Variants in EHBP1 observed in about 807,000 individuals in gnomAD.
The protein encoded by EHBP1 is EH domain-binding protein 1.
A neutral mutation model predicts 144.0 loss-of-function variants in EHBP1; 55 were observed. The ratio of observed to expected loss-of-function variants is 0.38; its 90% confidence interval spans 0.31 to 0.48. EHBP1 has a LOEUF of 0.48. EHBP1 is among the 20% of genes least tolerant of loss of function. The pLI is 0.98. For missense variants in EHBP1, 1,200 were observed against 1,364.2 expected, an observed-to-expected ratio of 0.88 and a Z score of 1.90; for synonymous variants, 469 against 472.7, an observed-to-expected ratio of 0.99 and a Z score of 0.10.
At chr2:62,768,435 G>A (rs1488201514) in intron 4 of EHBP1, among the ~76,000 whole-genome samples, 2 of 152,056 alleles carry the variant, frequency 1.3e-5, no homozygotes, top group African/African-American at 2.4e-5. Context: ...ATACATTCCT[G>A]GACACATGTA....
At chr2:62,798,553 A>G (rs563959081) in intron 5 of EHBP1, among the ~76,000 whole-genome samples, 5 of 152,260 alleles carry the variant, frequency 3.3e-5, no homozygotes, top group African/African-American at 9.6e-5. Context: ...TTTTACCTCA[A>G]TTTACGTATC....
intron 2 of EHBP1, among the ~76,000 whole-genome samples, chr2:62,726,980 A>G (rs2036864919): frequency 6.6e-6 from 1 of 151,908 alleles, no homozygotes; most frequent in Non-Finnish European, 1.5e-5. Context: ...CTCCTGCCTC[A>G]GCCTCCTGAG....
At chr2:62,922,767 T>C (rs1481994828) in intron 10 of EHBP1, among the ~76,000 whole-genome samples, 1 of 152,176 alleles carries the variant, frequency 6.6e-6, no homozygotes, top group Non-Finnish European at 1.5e-5. Context: ...GAGGGCAGCA[T>C]GAAGGCAGCC....
chr2:62,867,617 A>G (rs2050144298), intron 9 of EHBP1, among the ~76,000 whole-genome samples: 1 of 152,226 alleles, frequency 6.6e-6, no homozygotes, highest in South Asian at 2.1e-4. Flanking sequence ...CCATGGATTC[A>G]AAGATATAAG....
At chr2:62,797,795 C>T (rs1488434514) in intron 5 of EHBP1, among the ~76,000 whole-genome samples, 1 of 152,162 alleles carries the variant, frequency 6.6e-6, no homozygotes, top group Non-Finnish European at 1.5e-5. Flanking sequence ...GATAAACTTA[C>T]AGCATGTTTA....
chr2:62,926,645 T>A (rs933904810), intron 10 of EHBP1, among the ~76,000 whole-genome samples: 3 of 152,022 alleles, frequency 2.0e-5, no homozygotes, highest in African/African-American at 4.8e-5. Context: ...TCTTTCCAGT[T>A]AAGATGGCTA....
chr2:62,923,041 A>T (rs767514613), intron 10 of EHBP1, among the ~76,000 whole-genome samples: 3 of 152,120 alleles, frequency 2.0e-5, no homozygotes, highest in Non-Finnish European at 4.4e-5. Context: ...ACCTCCTATG[A>T]GCCAAGCTCC....
intron 5 of EHBP1, among the ~76,000 whole-genome samples, chr2:62,804,841 T>C (rs1417446472): frequency 1.3e-5 from 2 of 152,044 alleles, no homozygotes; most frequent in African/African-American, 2.4e-5. Flanking sequence ...CTCATAGGAG[T>C]GTGAACCCTA....
chr2:63,022,459 CAT>C (rs2060795622), intron 19 of EHBP1, among the ~76,000 whole-genome samples: 1 of 152,070 alleles, frequency 6.6e-6, no homozygotes, highest in Non-Finnish European at 1.5e-5. Flanking sequence ...GGACTACAGA[CAT>C]GCACCACCAC....
intron 2 of EHBP1, among the ~76,000 whole-genome samples, chr2:62,742,561 T>G (rs1483337201): frequency 6.6e-6 from 1 of 152,116 alleles, no homozygotes; most frequent in Non-Finnish European, 1.5e-5. Flanking sequence ...TATTATTGTT[T>G]GGGTCTGGCC....
chr2:63,034,357 G>A (rs190952408), intron 19 of EHBP1, among the ~76,000 whole-genome samples: 4 of 151,550 alleles, frequency 2.6e-5, no homozygotes, highest in Admixed American at 1.3e-4. Flanking sequence ...TTTTTAAATG[G>A]TGAAACTGAA....
intron 2 of EHBP1, among the ~76,000 whole-genome samples, chr2:62,731,194 A>G (rs192564546): frequency 3.3e-5 from 5 of 151,760 alleles, no homozygotes; most frequent in Middle Eastern, 3.4e-3. Flanking sequence ...TTAAATTCCA[A>G]TTCCAATTGG....
chr2:62,808,032 G>A (rs1264715191), intron 5 of EHBP1, among the ~76,000 whole-genome samples: 2 of 149,632 alleles, frequency 1.3e-5, no homozygotes, highest in African/African-American at 4.9e-5. Context: ...CAACCTGGCC[G>A]ACAAAGTGAG....
At chr2:62,943,950 A>G (rs2056920437) in intron 12 of EHBP1, 100 bp downstream of exon 12, 1 of 751,024 alleles carries the variant, frequency 1.3e-6, no homozygotes, top group African/African-American at 1.8e-5. Flanking sequence ...TGAGGTCATA[A>G]CTACAACTCA....
chr2:62,820,092 T>A (rs908160163), intron 5 of EHBP1, among the ~76,000 whole-genome samples: 1 of 151,752 alleles, frequency 6.6e-6, no homozygotes, highest in Non-Finnish European at 1.5e-5. Context: ...GTGCCTGTAA[T>A]CCCAGCTGCT....
intron 5 of EHBP1, among the ~76,000 whole-genome samples, chr2:62,779,093 A>G (rs2042247736): frequency 6.6e-6 from 1 of 152,192 alleles, no homozygotes; most frequent in South Asian, 2.1e-4. Flanking sequence ...CTCTTCCACC[A>G]TGGAGTCAGT....
At chr2:62,892,545 T>C (rs1223514307) in intron 10 of EHBP1, among the ~76,000 whole-genome samples, 5 of 152,130 alleles carry the variant, frequency 3.3e-5, no homozygotes, top group Non-Finnish European at 7.4e-5. Flanking sequence ...CTTATGATTT[T>C]CATACAGATG....
At chr2:62,895,426 T>A (rs762815915) in intron 10 of EHBP1, among the ~76,000 whole-genome samples, 32 of 152,308 alleles carry the variant, frequency 2.1e-4, no homozygotes, top group Non-Finnish European at 4.0e-4. Context: ...GCCTTATTTC[T>A]GTTGCCTTCC....
intron 10 of EHBP1, among the ~76,000 whole-genome samples, chr2:62,929,475 G>A (rs1225630469): frequency 2.0e-5 from 3 of 152,040 alleles, no homozygotes; most frequent in Non-Finnish European, 2.9e-5. Flanking sequence ...GATAGTACAT[G>A]TAATCATCTC....
Sources: allele counts gnomAD v4.1 joint callset (sites outside exome capture counted in the v4.1 genomes callset), GRCh38; gene constraint gnomAD v4.1.1; transcripts MANE v1.5; gene names NCBI Gene and HGNC (gene_info 2026-07-23, HGNC 2026-07-21).